CASTOR2: variants seen among roughly 807,000 people sequenced by gnomAD.
The protein encoded by CASTOR2 is GATS protein like 2.
In CASTOR2, 8 loss-of-function variants were observed where a neutral mutation model predicts 31.2. That is an observed-to-expected ratio of 0.26 (90% CI 0.15 to 0.46). The LOEUF is 0.46. Among genes scored for constraint, CASTOR2 ranks in the 20% least tolerant of loss-of-function variants. The pLI is 0.99. For missense variants in CASTOR2, 216 were observed against 382.1 expected (o/e 0.57, Z 3.62); for synonymous variants, 162 against 158.7 (o/e 1.02, Z -0.16).
intron 1 of CASTOR2, among the ~76,000 whole-genome samples, chr7:74,988,868 TC>T (rs1159828819): frequency 2.6e-5 from 4 of 152,078 alleles, no homozygotes; most frequent in Admixed American, 1.3e-4. Flanking sequence ...TTTTTTTTTT[TC>T]ATTCCACATT....
At chr7:74,989,922 G>T (rs1554437131) in intron 1 of CASTOR2, among the ~76,000 whole-genome samples, 1 of 152,072 alleles carries the variant, frequency 6.6e-6, no homozygotes, top group Non-Finnish European at 1.5e-5. Flanking sequence ...TTATCAGGGT[G>T]CTGGTTAAAT....
At chr7:75,007,931 G>A (rs2131944759) in intron 1 of CASTOR2, 63 bp from the exon 2 acceptor site, 1 of 1,612,860 alleles carries the variant, frequency 6.2e-7, no homozygotes, top group East Asian at 2.2e-5. Flanking sequence ...GGCACGGGTG[G>A]GCAGCTGCCC....
intron 1 of CASTOR2, among the ~76,000 whole-genome samples, chr7:74,967,407 C>T (rs587730964): frequency 6.8e-6 from 1 of 147,528 alleles, no homozygotes; most frequent in East Asian, 2.0e-4. Flanking sequence ...CCAGGTAGAA[C>T]CCCTTAGATT....
intron 4 of CASTOR2, 149 bp downstream of exon 4, chr7:75,018,271 G>A (rs1186087007): frequency 6.9e-7 from 1 of 1,454,716 alleles, no homozygotes; most frequent in Non-Finnish European, 9.3e-7. Flanking sequence ...CCAGTGTGGT[G>A]GCTCATGCTT....
intron 2 of CASTOR2, among the ~76,000 whole-genome samples, chr7:75,014,473 T>C (rs1288555260): frequency 1.1e-4 from 16 of 145,356 alleles, no homozygotes; most frequent in African/African-American, 4.1e-4. Flanking sequence ...GCACCTGTAG[T>C]CCCAGCTACT....
intron 6 of CASTOR2, 131 bp from the exon 7 acceptor site, chr7:75,021,743 T>G: frequency 9.1e-7 from 1 of 1,093,404 alleles, no homozygotes; most frequent in Non-Finnish European, 1.4e-6. Flanking sequence ...GGATTGTTTT[T>G]GGGGGGCCCT....
At chr7:75,017,876 G>T (rs1804902259) in intron 3 of CASTOR2, 85 bp downstream of exon 3, 1 of 1,613,710 alleles carries the variant, frequency 6.2e-7, no homozygotes, top group African/African-American at 1.3e-5. Flanking sequence ...TTGCAGCCTT[G>T]CCCTTCCACG....
Position 75,024,728 on chromosome 7 carries a change from C to A in CASTOR2, c.*29C>A, listed in dbSNP as rs1250272689. On this transcript the variant is annotated 3_prime_UTR_variant, in exon 9 of 9. Coordinates refer to ENST00000616305, the MANE Select transcript of CASTOR2 (RefSeq NM_001145064.3). ...GGTCTCTTCTGCTCCTCCCTGCCGC[C>A]GCCCGGGCCCAGCCCTAACCCTGAA... 6.4e-7 allele frequency: 1 copy of A among 1,551,442 alleles called. No homozygotes were observed. The highest frequency in any genetic ancestry group is 1.4e-5 in the African/African-American group (1 of 73,044).
At chr7:74,985,012 C>T (rs1394490241) in intron 1 of CASTOR2, among the ~76,000 whole-genome samples, 4 of 152,130 alleles carry the variant, frequency 2.6e-5, no homozygotes, top group Admixed American at 2.0e-4. Context: ...TGGTGCACAC[C>T]TGTAATCCCA....
chr7:74,983,610 C>T (rs1554436465), intron 1 of CASTOR2, among the ~76,000 whole-genome samples: 1 of 151,710 alleles, frequency 6.6e-6, no homozygotes, highest in African/African-American at 2.4e-5. Context: ...TGTGCATCTC[C>T]TGCCCTGACC....
chr7:74,983,201 AG>A (rs1430805005), intron 1 of CASTOR2, among the ~76,000 whole-genome samples: 1 of 125,048 alleles, frequency 8.0e-6, no homozygotes, highest in African/African-American at 3.0e-5. Context: ...TAGTAGAGAC[AG>A]GGTTTCGCCA....
chr7:74,985,585 C>CAAAAA (rs782053038), intron 1 of CASTOR2, among the ~76,000 whole-genome samples: 10 of 67,560 alleles, frequency 1.5e-4, no homozygotes, highest in South Asian at 7.0e-4. Flanking sequence ...CAGCCTGGCT[C>CAAAAA]AAAAAAAAAA....
intron 1 of CASTOR2, among the ~76,000 whole-genome samples, chr7:74,990,998 A>C (rs1232695156): frequency 6.0e-5 from 9 of 151,078 alleles, no homozygotes; most frequent in Non-Finnish European, 1.3e-4. Flanking sequence ...ACGTAAGCCC[A>C]GGAGTTAGAG....
chr7:74,979,582 G>A (rs1289618737), intron 1 of CASTOR2, among the ~76,000 whole-genome samples: 42 of 46,790 alleles, frequency 9.0e-4, no homozygotes, highest in African/African-American at 4.1e-3. Flanking sequence ...TAGTAGAGAT[G>A]GGGTTTCACC....
At chr7:75,001,519 A>G (rs1244869952) in intron 1 of CASTOR2, among the ~76,000 whole-genome samples, 1 of 152,228 alleles carries the variant, frequency 6.6e-6, no homozygotes, top group African/African-American at 2.4e-5. Context: ...GGACCTGGCC[A>G]TGACTCATTA....
At chr7:75,015,416 T>C (rs1804842815) in intron 2 of CASTOR2, among the ~76,000 whole-genome samples, 1 of 152,170 alleles carries the variant, frequency 6.6e-6, no homozygotes, top group African/African-American at 2.4e-5. Flanking sequence ...ACCACAGGCA[T>C]GTGCCACCAT....
At chr7:75,007,032 C>A (rs1162110641) in intron 1 of CASTOR2, among the ~76,000 whole-genome samples, 2 of 152,290 alleles carry the variant, frequency 1.3e-5, no homozygotes, top group East Asian at 3.9e-4. Context: ...GGTGCAGAGC[C>A]CATGCCCGGC....
chr7:74,977,342 TC>T (rs1554435850), intron 1 of CASTOR2, among the ~76,000 whole-genome samples: 1 of 151,618 alleles, frequency 6.6e-6, no homozygotes, highest in African/African-American at 2.4e-5. Flanking sequence ...GTGTCCAAGG[TC>T]CCTGTGGGCC....
rs1489679383 is a variant in CASTOR2, at chr7:75,026,271, C to T, written c.*1572C>T. Among the ~76,000 whole-genome samples, 6 of 149,562 alleles carry T rather than the reference C, an allele frequency of 4.0e-5. No homozygotes were observed. The highest frequency in any genetic ancestry group is 8.9e-5 in the Non-Finnish European group (6 of 67,584). On this transcript the variant is annotated 3_prime_UTR_variant, in exon 9 of 9. Transcript: ENST00000616305. Reference sequence around the variant, plus strand: ...GTGGCACGATCTTGGCTCACTACACCCTCCTCCTCCCAGGTTCAAGTGATT... The same window carrying T: ...GTGGCACGATCTTGGCTCACTACACTCTCCTCCTCCCAGGTTCAAGTGATT...
Sources: gnomAD v4.1 joint callset for allele counts (sites outside exome capture counted in the v4.1 genomes callset) on GRCh38, gnomAD v4.1.1 for gene constraint, MANE v1.5 for transcripts, NCBI Gene and HGNC (gene_info 2026-07-23, HGNC 2026-07-21) for gene names.